PDE11A: variants seen among roughly 807,000 people sequenced by gnomAD.
PDE11A encodes phosphodiesterase 11A, also known as dual 3',5'-cyclic-AMP and -GMP phosphodiesterase 11A.
Under a neutral mutation model 100.5 loss-of-function variants are expected in PDE11A, and 100 were observed. That is an observed-to-expected ratio of 1.00 (90% CI 0.85 to 1.18). The LOEUF (loss-of-function observed/expected upper bound fraction) is 1.18, where lower values mean the gene tolerates loss of function less well. Ranked by LOEUF, PDE11A falls within the 50% of genes most tolerant of loss-of-function variation. The pLI, the probability that PDE11A is intolerant of heterozygous loss-of-function variation, is 0.00. For synonymous variants in PDE11A, 381 were observed against 420.8 expected (o/e 0.91, Z 1.16); for missense variants, 1,141 against 1,152.6 (o/e 0.99, Z 0.15).
At chr2:177,774,551 T>C (rs2082353434) in intron 9 of PDE11A, among the ~76,000 whole-genome samples, 1 of 152,210 alleles carries the variant, frequency 6.6e-6, no homozygotes, top group Non-Finnish European at 1.5e-5. Context: ...TTATGTTTTC[T>C]TTTTTGGCCC....
chr2:177,906,321 A>T (rs1201634196), intron 2 of PDE11A, among the ~76,000 whole-genome samples: 2 of 152,128 alleles, frequency 1.3e-5, no homozygotes, highest in East Asian at 3.9e-4. Flanking sequence ...AGCCTCCACC[A>T]ACTCAGGAAG....
chr2:178,027,322 A>G (rs913149896), intron 1 of PDE11A, among the ~76,000 whole-genome samples: 7 of 152,188 alleles, frequency 4.6e-5, no homozygotes, highest in African/African-American at 1.4e-4. Flanking sequence ...TTTTATTATG[A>G]CATGAGAAAG....
At chr2:177,653,305 A>C (rs1315105939) in intron 19 of PDE11A, among the ~76,000 whole-genome samples, 3 of 152,170 alleles carry the variant, frequency 2.0e-5, no homozygotes, top group Non-Finnish European at 4.4e-5. Context: ...AGAACTCTCC[A>C]GTCTCCTGAC....
Position 178,048,524 on chromosome 2 carries a change from A to G in PDE11A, c.912+23002T>C, listed in dbSNP as rs572596794. 2.2e-4 allele frequency among the ~76,000 whole-genome samples: 34 copies of G among 152,214 alleles called. No individual in the cohort carries two copies. The South Asian group carries it at 6.4e-3, about 29-fold the overall frequency. On this transcript the variant is annotated intron_variant, in intron 1 of 19. Transcript: ENST00000286063. ...TGGTCCTCCTCAGAAAGGTAGGGTG[A>G]GTTATCTGATGAGGGAATTAGGGAG...
chr2:177,718,905 A>G (rs2081483873), intron 12 of PDE11A, among the ~76,000 whole-genome samples: 1 of 152,198 alleles, frequency 6.6e-6, no homozygotes, highest in Non-Finnish European at 1.5e-5. Flanking sequence ...TCATTGAACA[A>G]ATATTTATTA....
chr2:177,986,448 T>C (rs114808317), intron 2 of PDE11A, among the ~76,000 whole-genome samples: 367 of 152,278 alleles, frequency 2.4e-3, no homozygotes, highest in African/African-American at 8.6e-3. Flanking sequence ...ACAATATCCA[T>C]AGTGATTAAG....
chr2:177,858,071 T>C (rs926713331), intron 5 of PDE11A, among the ~76,000 whole-genome samples: 3 of 152,038 alleles, frequency 2.0e-5, no homozygotes, highest in Middle Eastern at 3.2e-3. Context: ...CTGGATCCCT[T>C]CCTTACACCT....
At chr2:177,661,251 C>G (rs2080481907) in intron 19 of PDE11A, among the ~76,000 whole-genome samples, 1 of 152,202 alleles carries the variant, frequency 6.6e-6, no homozygotes. Flanking sequence ...GTATTTCAGA[C>G]CAATCACATC....
intron 2 of PDE11A, among the ~76,000 whole-genome samples, chr2:177,995,650 A>AC (rs56807805): frequency 8.6e-5 from 13 of 150,674 alleles, no homozygotes; most frequent in Admixed American, 2.6e-4. Flanking sequence ...AACACCACCC[A>AC]CCCCGCATCT....
At chr2:177,837,891 AG>A (rs2083430637) in intron 6 of PDE11A, among the ~76,000 whole-genome samples, 1 of 152,238 alleles carries the variant, frequency 6.6e-6, no homozygotes, top group African/African-American at 2.4e-5. Flanking sequence ...GACTTTCTTA[AG>A]GAGTGCTCAG....
At chr2:177,923,450 G>A (rs922960004) in intron 2 of PDE11A, among the ~76,000 whole-genome samples, 1 of 152,074 alleles carries the variant, frequency 6.6e-6, no homozygotes, top group Non-Finnish European at 1.5e-5. Flanking sequence ...ATAAGACCTT[G>A]AATGAGGTCA....
chr2:178,058,849 A>C (rs1230910398), intron 1 of PDE11A, among the ~76,000 whole-genome samples: 1 of 152,058 alleles, frequency 6.6e-6, no homozygotes, highest in Non-Finnish European at 1.5e-5. Context: ...ATTACTATGG[A>C]AGTTAGTGGA....
At chr2:177,769,603 A>G (rs1385002067) in intron 9 of PDE11A, among the ~76,000 whole-genome samples, 2 of 152,128 alleles carry the variant, frequency 1.3e-5, no homozygotes, top group Admixed American at 1.3e-4. Context: ...TCAAAAGGAC[A>G]ATGGCCAGGT....
intron 2 of PDE11A, among the ~76,000 whole-genome samples, chr2:177,928,307 G>C (rs558954658): frequency 7.2e-5 from 11 of 152,062 alleles, no homozygotes; most frequent in Non-Finnish European, 1.5e-4. Flanking sequence ...AACAGCCTGG[G>C]CCACAAAGTG....
chr2:177,728,005 C>T, intron 11 of PDE11A, 21 bp downstream of exon 11: 5 of 1,607,776 alleles, frequency 3.1e-6, no homozygotes, highest in Non-Finnish European at 4.3e-6. Flanking sequence ...CTGCTTGGAT[C>T]ACCCAAGACA....
At chr2:178,074,180 C>T (rs376441768), upstream of PDE11A, among the ~76,000 whole-genome samples, 54 of 151,736 alleles carry the variant, frequency 3.6e-4, no homozygotes, top group African/African-American at 1.2e-3. Flanking sequence ...TAGGCAAATC[C>T]ATACAGACAG....
Position 178,104,311 on chromosome 2 carries a change from T to C in PDE11A, c.153A>G (p.Thr51=), listed in dbSNP as rs898117331. ...AACTGCTAGTTTTTACCTTTGTTTT[T>C]GTTTGCCTCTGTATAAGAAAATCCT... The change falls in exon 2 of 21, where the codon ACA becomes ACG. Residue 51 remains threonine (T), a synonymous_variant. Transcript: ENST00000358450. The C allele has an allele frequency of 5.6e-6, 9 of 1,613,970 alleles. No individual in the cohort carries two copies. The highest frequency in any genetic ancestry group is 5.1e-6 in the Non-Finnish European group (6 of 1,179,940).
At chr2:177,740,043 C>T (rs1054838891) in intron 10 of PDE11A, among the ~76,000 whole-genome samples, 3 of 152,178 alleles carry the variant, frequency 2.0e-5, no homozygotes, top group African/African-American at 7.2e-5. Context: ...CTCATGTACA[C>T]ACTTCGTTTT....
At chr2:177,807,483 A>G (rs1326115031) in intron 9 of PDE11A, among the ~76,000 whole-genome samples, 1 of 152,034 alleles carries the variant, frequency 6.6e-6, no homozygotes, top group Non-Finnish European at 1.5e-5. Flanking sequence ...GTACAGTGGC[A>G]TGATCCAGCT....
Sources: allele counts gnomAD v4.1 joint callset (sites outside exome capture counted in the v4.1 genomes callset), GRCh38; gene constraint gnomAD v4.1.1; transcripts MANE v1.5; gene names NCBI Gene and HGNC (gene_info 2026-07-23, HGNC 2026-07-21).